The following GABRA3 variants were observed in gnomAD, a reference collection of about 807,000 sequenced individuals.
GABRA3 encodes the protein gamma-aminobutyric acid type A receptor subunit alpha3.
In GABRA3, 10 loss-of-function variants were observed where a neutral mutation model predicts 30.1. The ratio of observed to expected loss-of-function variants is 0.33; its 90% confidence interval spans 0.20 to 0.56. GABRA3 has a LOEUF of 0.56. Ranked by LOEUF, GABRA3 falls within the 20% of genes least tolerant of loss-of-function variation. GABRA3 has a pLI of 0.89. For synonymous variants in GABRA3, 151 were observed against 146.8 expected, an observed-to-expected ratio of 1.03 and a Z score of -0.21; for missense variants, 233 against 392.0, an observed-to-expected ratio of 0.59 and a Z score of 3.42.
intron 5 of GABRA3, among the ~76,000 whole-genome samples, chrX:152,229,962 C>T (rs754355308): frequency 1.1e-5 from 1 of 94,230 alleles, no homozygotes; most frequent in East Asian, 3.9e-4. Flanking sequence ...ATGGCACTTA[C>T]TAAAACCCTC....
chrX:152,324,085 G>C (rs1457243628), intron 3 of GABRA3, among the ~76,000 whole-genome samples: 3 of 112,253 alleles, frequency 2.7e-5, no homozygotes, highest in Non-Finnish European at 5.6e-5. Flanking sequence ...CAACATCCCT[G>C]TGGCAGTGAT....
At chrX:152,179,788 C>T (rs112474402) in intron 9 of GABRA3, among the ~76,000 whole-genome samples, 221 of 111,455 alleles carry the variant, frequency 2.0e-3, no homozygotes, top group African/African-American at 6.6e-3. Flanking sequence ...TTTTTTAGAT[C>T]ACACATGTAA....
At position 152,263,528 on chromosome X, in the gene GABRA3, T is replaced by G. The variant is rs143782065; in HGVS notation, c.331-7530A>C. On this transcript the variant is annotated intron_variant, in intron 4 of 9. Coordinates refer to ENST00000370314, the MANE Select transcript of GABRA3 (RefSeq NM_000808.4). ...CAGGCTATTTGAATGTACACAGTAATAGGAGACAAAAGTAAAAGGAATAAA... is the reference window on the plus strand; with the variant it reads ...CAGGCTATTTGAATGTACACAGTAAGAGGAGACAAAAGTAAAAGGAATAAA... Among the ~76,000 whole-genome samples, 932 of 109,940 alleles carry G rather than the reference T, an allele frequency of 8.5e-3. 14 individuals carry two copies. The highest frequency in any genetic ancestry group is 0.029 in the African/African-American group (887 of 30,167).
intron 9 of GABRA3, among the ~76,000 whole-genome samples, chrX:152,182,509 C>G (rs745529528): frequency 1.2e-5 from 1 of 80,256 alleles, no homozygotes; most frequent in Admixed American, 1.5e-4. Flanking sequence ...TATATATACT[C>G]TATATAGTAT....
chrX:152,247,796 T>C (rs12014344), intron 5 of GABRA3, among the ~76,000 whole-genome samples: 6,766 of 111,017 alleles, frequency 0.061, 475 homozygotes, highest in East Asian at 0.38. Flanking sequence ...CACATGAACA[T>C]TGCTGTGAGG....
At chrX:152,322,413 T>C (rs1181595050) in intron 3 of GABRA3, among the ~76,000 whole-genome samples, 1 of 111,973 alleles carries the variant, frequency 8.9e-6, no homozygotes, top group Non-Finnish European at 1.9e-5. Context: ...TAGACAGAAG[T>C]TGTGGTAGCC....
intron 2 of GABRA3, among the ~76,000 whole-genome samples, chrX:152,346,110 C>A (rs1427872709): frequency 9.0e-6 from 1 of 111,637 alleles, no homozygotes; most frequent in Non-Finnish European, 1.9e-5. Flanking sequence ...ACTTCTAGCC[C>A]AGAGAAATTT....
intron 3 of GABRA3, among the ~76,000 whole-genome samples, chrX:152,331,831 C>T (rs930883035): frequency 9.0e-5 from 10 of 111,688 alleles, no homozygotes; most frequent in Admixed American, 4.8e-4. Flanking sequence ...TACCAAACCC[C>T]TGATGTACTA....
intron 1 of GABRA3, among the ~76,000 whole-genome samples, chrX:152,407,731 A>G (rs1265120630): frequency 8.9e-6 from 1 of 112,018 alleles, no homozygotes; most frequent in African/African-American, 3.2e-5. Context: ...CTATGAGGCC[A>G]GTATTACACC....
chrX:152,172,975 CACACACAT>C (rs1314283728), intron 9 of GABRA3, among the ~76,000 whole-genome samples: 2 of 111,304 alleles, frequency 1.8e-5, no homozygotes, highest in African/African-American at 6.5e-5. Flanking sequence ...CACACACACA[CACACACAT>C]ATATACACAT....
intron 1 of GABRA3, among the ~76,000 whole-genome samples, chrX:152,405,843 C>T (rs1929920572): frequency 1.8e-5 from 2 of 111,281 alleles, no homozygotes; most frequent in Admixed American, 9.5e-5. Flanking sequence ...ATTCCATGGC[C>T]CTTGGGCAAG....
intron 6 of GABRA3, among the ~76,000 whole-genome samples, chrX:152,219,132 T>C (rs142432886): frequency 0.14 from 15,304 of 110,920 alleles, 810 homozygotes; most frequent in Admixed American, 0.22. Context: ...CTAAATGTTA[T>C]CATGTCTAAA....
chrX:152,275,469 A>AT (rs1307337415), intron 4 of GABRA3, among the ~76,000 whole-genome samples: 23 of 106,508 alleles, frequency 2.2e-4, no homozygotes, highest in Middle Eastern at 4.8e-3. Context: ...AATATCAAAT[A>AT]AATAGAGCTG....
chrX:152,296,789 T>C (rs1382875452), intron 3 of GABRA3, among the ~76,000 whole-genome samples: 1 of 108,996 alleles, frequency 9.2e-6, no homozygotes, highest in African/African-American at 3.4e-5. Context: ...AACCTCCATC[T>C]CCTGGGCTCA....
chrX:152,374,907 A>G (rs900059365), intron 1 of GABRA3, among the ~76,000 whole-genome samples: 4 of 111,303 alleles, frequency 3.6e-5, no homozygotes, highest in African/African-American at 1.3e-4. Context: ...TCCTTTCCAC[A>G]TTGCTTGTTT....
Position 152,166,745 on chromosome X carries a change from A to G in GABRA3, c.*1483T>C, listed in dbSNP as rs1228102921. On this transcript the variant is annotated 3_prime_UTR_variant, in exon 10 of 10. Transcript: ENST00000370314. ...TGGGTGACACATTGTGACTTTCTAA[A>G]AACCTTTTTGGTGCCCAACCAAGTT... The G allele has an allele frequency of 9.1e-6, 1 of 110,490 alleles. No individual in the cohort carries two copies. The highest frequency in any genetic ancestry group is 1.9e-5 in the Non-Finnish European group (1 of 52,865). The allele number at this position is 110,490 out of a possible 1,213,427, so 9.1% of individuals were successfully genotyped here.
chrX:152,448,247 G>A (rs1285646856), intron 1 of GABRA3, among the ~76,000 whole-genome samples: 1 of 112,032 alleles, frequency 8.9e-6, no homozygotes, highest in Non-Finnish European at 1.9e-5. Flanking sequence ...TGCAAAATCC[G>A]AGGCCCCTGC....
At chrX:152,215,360 C>T (rs1434084982) in intron 6 of GABRA3, among the ~76,000 whole-genome samples, 1 of 110,811 alleles carries the variant, frequency 9.0e-6, no homozygotes, top group African/African-American at 3.3e-5. Flanking sequence ...TAGTTAAGAG[C>T]TTTCATCAGG....
At chrX:152,283,414 C>T (rs1000318610) in intron 4 of GABRA3, among the ~76,000 whole-genome samples, 4 of 111,641 alleles carry the variant, frequency 3.6e-5, no homozygotes, top group African/African-American at 1.3e-4. Context: ...TCAGACCTCT[C>T]CTTTACCCAT....
Sources: gnomAD v4.1 joint callset for allele counts (sites outside exome capture counted in the v4.1 genomes callset) on GRCh38, gnomAD v4.1.1 for gene constraint, MANE v1.5 for transcripts, NCBI Gene and HGNC (gene_info 2026-07-23, HGNC 2026-07-21) for gene names.